Variants in ANK3 observed in about 807,000 individuals in gnomAD.
The protein encoded by ANK3 is ankyrin-3.
In ANK3, 57 loss-of-function variants were observed where a neutral mutation model predicts 370.9. That is an observed-to-expected ratio of 0.15 (90% CI 0.12 to 0.19). The LOEUF is 0.19. ANK3 is among the 10% of genes least tolerant of loss of function. The pLI, the probability that ANK3 is intolerant of heterozygous loss-of-function variation, is 1.00. For missense variants in ANK3, 4,439 were observed against 5,302.1 expected (o/e 0.84, Z 5.06); for synonymous variants, 1,929 against 1,946.3 (o/e 0.99, Z 0.23).
chr10:60,373,387 T>A (rs1020353456), intron 1 of ANK3, among the ~76,000 whole-genome samples: 1 of 152,068 alleles, frequency 6.6e-6, no homozygotes, highest in Non-Finnish European at 1.5e-5. Context: ...TCCTGGGAGT[T>A]GAAGAGAGAT....
chr10:60,686,150 C>T (rs529201501), intron 1 of ANK3, among the ~76,000 whole-genome samples: 1 of 152,064 alleles, frequency 6.6e-6, no homozygotes, highest in African/African-American at 2.4e-5. Context: ...TATTAGACAT[C>T]AAGAGTGTTT....
intron 1 of ANK3, among the ~76,000 whole-genome samples, chr10:60,328,773 C>G (rs2050501542): frequency 6.6e-6 from 1 of 152,210 alleles, no homozygotes; most frequent in Non-Finnish European, 1.5e-5. Context: ...CTCCCTAACT[C>G]ATTTTATGAG....
chr10:60,152,683 T>A (rs1565340331), intron 23 of ANK3, among the ~76,000 whole-genome samples: 1 of 152,188 alleles, frequency 6.6e-6, no homozygotes, highest in Non-Finnish European at 1.5e-5. Flanking sequence ...TGTTACAAAA[T>A]ACGGCAACCA....
At chr10:60,435,838 G>A (rs537551556) in intron 2 of ANK3, among the ~76,000 whole-genome samples, 2 of 152,162 alleles carry the variant, frequency 1.3e-5, no homozygotes, top group Non-Finnish European at 2.9e-5. Context: ...GGTGGCTCAC[G>A]CCTGTAATCC....
At chr10:60,056,074 A>G in intron 41 of ANK3, 38 bp from the exon 42 acceptor site, 1 of 1,566,136 alleles carries the variant, frequency 6.4e-7, no homozygotes, top group Non-Finnish European at 8.6e-7. Context: ...ATGGCAAACT[A>G]TGACTGAATA....
chr10:60,490,487 A>C (rs919322546), intron 2 of ANK3, among the ~76,000 whole-genome samples: 3 of 152,194 alleles, frequency 2.0e-5, no homozygotes, highest in Non-Finnish European at 2.9e-5. Context: ...TCAGGAAAGA[A>C]GACTTGGGTA....
At chr10:60,033,277 A>G (rs1306374031) in intron 43 of ANK3, among the ~76,000 whole-genome samples, 1 of 151,500 alleles carries the variant, frequency 6.6e-6, no homozygotes, top group East Asian at 2.0e-4. Flanking sequence ...AGCCGGGGGC[A>G]GGGGAGGGGG....
chr10:60,047,415 C>T (rs973470885), intron 42 of ANK3, among the ~76,000 whole-genome samples: 3 of 152,076 alleles, frequency 2.0e-5, no homozygotes, highest in East Asian at 1.9e-4. Flanking sequence ...TTGATGGATA[C>T]GTTAAAACTT....
intron 23 of ANK3, chr10:60,140,246 A>G (rs980953316): frequency 4.2e-6 from 5 of 1,199,362 alleles, no homozygotes; most frequent in African/African-American, 1.5e-5. Context: ...GCTGCTACCC[A>G]GTACCAAGAG....
chr10:60,450,312 G>T (rs1297473149), intron 2 of ANK3, among the ~76,000 whole-genome samples: 2 of 152,078 alleles, frequency 1.3e-5, no homozygotes, highest in Non-Finnish European at 2.9e-5. Context: ...AAAATATATA[G>T]AGAGAATGAA....
Position 60,181,416 on chromosome 10 carries a change from G to T in ANK3, c.2097C>A (p.Thr699=). The stretch of plus-strand genomic sequence containing the variant: ...CTTCTTGAGCAGCCAAATGGAGTGG[G>T]GTCAGGCCGCTCTGCAAAAGATTCA... ...NVNLSNKSGL[T]PLHLAAQEDR... is the part of the protein sequence containing the mutation. The change falls in exon 18 of 44, where the codon ACC becomes ACA. Residue 699 remains threonine, a synonymous_variant. Transcript: ENST00000280772. The T allele has an allele frequency of 6.2e-7, 1 of 1,614,056 alleles. No homozygotes were observed. Among genetic ancestry groups the T allele is most frequent in the Non-Finnish European group, 8.5e-7 (1 of 1,179,978 alleles).
intron 1 of ANK3, among the ~76,000 whole-genome samples, chr10:60,388,150 A>G (rs1417761417): frequency 6.6e-6 from 1 of 152,166 alleles, no homozygotes; most frequent in Non-Finnish European, 1.5e-5. Flanking sequence ...CAATTTCTTA[A>G]CCCAAGTTTG....
At chr10:60,733,490 T>C in exon 1 of ANK3, 1 of 520,636 alleles carries the variant, frequency 1.9e-6, no homozygotes, top group Non-Finnish European at 2.9e-6. Context: ...CCTCCTGCTG[T>C]GTCCGCTGCG....
chr10:60,519,667 T>C (rs1188455306), intron 2 of ANK3, among the ~76,000 whole-genome samples: 2 of 152,096 alleles, frequency 1.3e-5, no homozygotes, highest in African/African-American at 4.8e-5. Flanking sequence ...AGTCAACAAA[T>C]GTATATTCGA....
At chr10:60,541,760 A>C (rs1283199687) in intron 2 of ANK3, among the ~76,000 whole-genome samples, 1 of 151,936 alleles carries the variant, frequency 6.6e-6, no homozygotes, top group East Asian at 1.9e-4. Flanking sequence ...TTGGGGAAGG[A>C]AAATGAGGAT....
intron 16 of ANK3, among the ~76,000 whole-genome samples, chr10:60,187,138 A>ATTTTC (rs1681248222): frequency 9.4e-6 from 1 of 106,388 alleles, no homozygotes; most frequent in African/African-American, 6.4e-5. Context: ...CATTTTATTT[A>ATTTTC]TTTTATTTTA....
chr10:60,499,167 A>T (rs1387717102), intron 2 of ANK3, among the ~76,000 whole-genome samples: 1 of 152,196 alleles, frequency 6.6e-6, no homozygotes, highest in Non-Finnish European at 1.5e-5. Context: ...ATGTCCATAA[A>T]ACTTCATTAG....
chr10:60,113,072 G>A (rs2092825919), intron 26 of ANK3, among the ~76,000 whole-genome samples: 1 of 152,138 alleles, frequency 6.6e-6, no homozygotes, highest in South Asian at 2.1e-4. Flanking sequence ...TATTAATTCA[G>A]TAATTGAAGC....
Position 60,203,108 on chromosome 10 carries a change from G to A in ANK3, c.1294-8C>T. On this transcript the variant is annotated splice_region_variant and splice_polypyrimidine_tract_variant and intron_variant, in intron 11 of 43. Coordinates refer to ENST00000280772, the MANE Select transcript of ANK3 (RefSeq NM_020987.5). ...GATTGGGGTAAGGCCCGACTAAGGG[G>A]AAAAGAAGAAAATGGTGGTTTGTTG... is the stretch of plus-strand genomic sequence containing the variant. 1 of 1,603,984 alleles carries A rather than the reference G, an allele frequency of 6.2e-7. No homozygotes were observed.
Sources: gnomAD v4.1 joint callset for allele counts (sites outside exome capture counted in the v4.1 genomes callset) on GRCh38, gnomAD v4.1.1 for gene constraint, MANE v1.5 for transcripts, NCBI Gene and HGNC (gene_info 2026-07-23, HGNC 2026-07-21) for gene names.